RIBC2: variants seen among roughly 807,000 people sequenced by gnomAD.
RIBC2 encodes RIB43A-like with coiled-coils protein 2.
A neutral mutation model predicts 44.3 loss-of-function variants in RIBC2; 40 were observed. That is an observed-to-expected ratio of 0.90 (90% confidence interval 0.70 to 1.18). The LOEUF (loss-of-function observed/expected upper bound fraction) is 1.18. Ranked by LOEUF, RIBC2 falls within the 50% of genes most tolerant of loss-of-function variation. The pLI, the probability that RIBC2 is intolerant of heterozygous loss-of-function variation, is 0.00. For synonymous variants in RIBC2, 171 were observed against 175.0 expected (o/e 0.98, Z 0.18); for missense variants, 459 against 485.5 (o/e 0.95, Z 0.51).
intron 1 of RIBC2, 111 bp downstream of exon 1, chr22:45,414,126 C>A: frequency 6.7e-7 from 1 of 1,487,470 alleles, no homozygotes; most frequent in Non-Finnish European, 9.0e-7. Context: ...CAGGAGGCAG[C>A]AAACGGCCTC....
rs747884075 is a variant in RIBC2 at position 45,432,415 on chromosome 22, A to C, written c.*53A>C. The C allele has an allele frequency of 6.2e-5, 74 of 1,202,558 alleles. No homozygotes were observed. The highest frequency in any genetic ancestry group is 3.8e-4 in the Admixed American group (19 of 50,108). The allele number at this position is 1,202,558 out of a possible 1,614,324, so 74.5% of individuals were successfully genotyped here. The stretch of plus-strand genomic sequence containing the variant: ...TCACGTATAAAGAGTGGCTACCTTA[A>C]AGAGTCACGTTTCTTTTTTAAAGAT... On this transcript the variant is annotated 3_prime_UTR_variant, in exon 7 of 7. Transcript: ENST00000614167.
At chr22:45,432,154 T>C in intron 6 of RIBC2, 130 bp from the exon 7 acceptor site, 1 of 579,302 alleles carries the variant, frequency 1.7e-6, no homozygotes, top group Non-Finnish European at 3.1e-6. Context: ...TCATTAGGTA[T>C]GAAACGTATT....
chr22:45,417,532 A>C (rs2146874754), intron 2 of RIBC2, 70 bp from the exon 3 acceptor site: 1 of 1,264,712 alleles, frequency 7.9e-7, no homozygotes, highest in African/African-American at 1.9e-5. Flanking sequence ...AAATAATAAA[A>C]AATAAAATGG....
In RIBC2 at chr22:45,417,814, G is replaced by A. The variant is rs375805284; in HGVS notation, c.424G>A (p.Gly142Arg). ...SDNDVRNTIS[G>R]MQKFMGEDLN... The stretch of plus-strand genomic sequence containing the variant: ...TAATGATGTTCGGAATACGATATCA[G>A]GAATGCAGAAATTCATGGGAGAGGA... Residue 142 changes from glycine to arginine, a missense_variant, in exon 3 of 7, where the codon GGA becomes AGA. Gly to Arg is a moderately radical substitution (Grantham distance 125). Coordinates refer to ENST00000614167, the MANE Select transcript of RIBC2 (RefSeq NM_015653.5). 3.7e-6 allele frequency: 6 copies of A among 1,614,010 alleles called. No individual in the cohort carries two copies. Among genetic ancestry groups the A allele is most frequent in the Non-Finnish European group, 5.1e-6 (6 of 1,180,024 alleles).
intron 4 of RIBC2, 162 bp downstream of exon 4, chr22:45,422,570 G>A: frequency 1.5e-6 from 1 of 656,724 alleles, no homozygotes; most frequent in Non-Finnish European, 2.7e-6. Flanking sequence ...TGATGACAGA[G>A]ATGGATGAGA....
At chr22:45,432,242 T>A in intron 6 of RIBC2, 42 bp from the exon 7 acceptor site, 1 of 1,077,214 alleles carries the variant, frequency 9.3e-7, no homozygotes, top group Non-Finnish European at 1.4e-6. Context: ...ATAGGAAGTA[T>A]ACACATTTGC....
At chr22:45,414,429 A>G (rs73446306) in intron 2 of RIBC2, 26 bp downstream of exon 2, 14 of 1,501,972 alleles carry the variant, frequency 9.3e-6, no homozygotes, top group East Asian at 2.5e-5. Context: ...ATGCTTATCT[A>G]TTGGTTTAGG....
intron 3 of RIBC2, among the ~76,000 whole-genome samples, chr22:45,418,530 C>G (rs2087448169): frequency 6.6e-6 from 1 of 152,216 alleles, no homozygotes; most frequent in Non-Finnish European, 1.5e-5. Flanking sequence ...AGCTCCTCTT[C>G]ATGCCTGCAC....
rs772720697 is a variant in RIBC2, at chr22:45,426,189, C to T, written c.903+14C>T. ...CAGGAGAAGCTGGTGACTGCCCCGC[C>T]CCTTTTTCCAGAGCCCATAGAGCCA... On this transcript the variant is annotated intron_variant, in intron 5 of 6. Coordinates refer to ENST00000614167, the MANE Select transcript of RIBC2 (RefSeq NM_015653.5). The T allele has an allele frequency of 3.5e-5, 56 of 1,606,540 alleles. No individual in the cohort carries two copies. The highest frequency in any genetic ancestry group is 4.6e-5 in the Non-Finnish European group (54 of 1,175,842).
intron 2 of RIBC2, among the ~76,000 whole-genome samples, chr22:45,416,226 A>G (rs1199999952): frequency 6.6e-6 from 1 of 151,466 alleles, no homozygotes; most frequent in Non-Finnish European, 1.5e-5. Flanking sequence ...AATTAACTAC[A>G]GTTTCTTCAT....
intron 3 of RIBC2, 72 bp downstream of exon 3, chr22:45,418,018 T>C: frequency 2.6e-6 from 3 of 1,175,694 alleles, no homozygotes; most frequent in South Asian, 3.5e-5. Context: ...TTTTTTTTTT[T>C]TTTAAGCAAC....
intron 5 of RIBC2, 119 bp from the exon 6 acceptor site, chr22:45,430,781 T>C: frequency 7.9e-7 from 1 of 1,273,228 alleles, no homozygotes; most frequent in South Asian, 1.6e-5. Flanking sequence ...ACCTACCTGC[T>C]CGTCCTCTGA....
In RIBC2 at chr22:45,425,951, A is replaced by G. The variant is rs1009873885; in HGVS notation, c.679A>G (p.Ile227Val). The change falls in exon 5 of 7, where the codon ATC (isoleucine) becomes GTC (valine). Residue 227 changes from isoleucine to valine, a missense_variant. Physicochemically the swap from Ile to Val is conservative, Grantham distance 29. Transcript: ENST00000614167. ...SVKDFNKSQA[I>V]ESVERKKQEK... ...TTTAATGTCTTCACCTGCTTAGGCC[A>G]TCGAGTCAGTGGAAAGGAAAAAGCA... is the stretch of plus-strand genomic sequence containing the variant. 2 of 1,613,042 alleles carry G rather than the reference A, an allele frequency of 1.2e-6. No individual in the cohort carries two copies. The highest frequency in any genetic ancestry group is 1.7e-6 in the Non-Finnish European group (2 of 1,179,462).
intron 5 of RIBC2, among the ~76,000 whole-genome samples, chr22:45,430,175 C>T (rs1053228518): frequency 6.6e-6 from 1 of 152,194 alleles, no homozygotes; most frequent in African/African-American, 2.4e-5. Flanking sequence ...CCCAGACCCC[C>T]GTGCCACTCA....
chr22:45,430,782 C>A, intron 5 of RIBC2, 118 bp from the exon 6 acceptor site: 1 of 1,276,862 alleles, frequency 7.8e-7, no homozygotes, highest in Non-Finnish European at 1.1e-6. Context: ...CCTACCTGCT[C>A]GTCCTCTGAG....
chr22:45,424,874 G>C (rs1168513192), intron 4 of RIBC2, among the ~76,000 whole-genome samples: 1 of 149,874 alleles, frequency 6.7e-6, no homozygotes, highest in East Asian at 2.0e-4. Flanking sequence ...TCCTGCCTCA[G>C]CCTCCCAAGT....
intron 3 of RIBC2, among the ~76,000 whole-genome samples, chr22:45,420,322 G>A (rs1345266104): frequency 6.6e-6 from 1 of 152,120 alleles, no homozygotes; most frequent in Non-Finnish European, 1.5e-5. Flanking sequence ...CTCCAGGGCT[G>A]TGCTAAAGTG....
intron 5 of RIBC2, among the ~76,000 whole-genome samples, chr22:45,429,884 C>T (rs1378612788): frequency 6.6e-6 from 1 of 152,178 alleles, no homozygotes; most frequent in Non-Finnish European, 1.5e-5. Flanking sequence ...CTGCCCGCTT[C>T]CTTTCTGGGT....
chr22:45,431,006 G>T lies in RIBC2; in HGVS notation c.1010G>T (p.Arg337Leu). The stretch of plus-strand genomic sequence containing the variant: ...GAGCGGCAGCAGTGGCGGCGGCAGC[G>T]CGACCTGCGCAGAGCTCTGGACAGC... ...LFERQQWRRQ[R>L]DLRRALDSSN... Residue 337 changes from arginine (R) to leucine (L), a missense_variant, in exon 6 of 7, where the codon CGC becomes CTC. Coordinates refer to ENST00000614167, the MANE Select transcript of RIBC2 (RefSeq NM_015653.5). 1 of 1,591,442 alleles carries T rather than the reference G, an allele frequency of 6.3e-7. No homozygotes were observed.
Sources: gnomAD v4.1 joint callset for allele counts (sites outside exome capture counted in the v4.1 genomes callset) on GRCh38, gnomAD v4.1.1 for gene constraint, MANE v1.5 for transcripts, NCBI Gene and HGNC (gene_info 2026-07-23, HGNC 2026-07-21) for gene names.